The following CFAP44 variants were observed in gnomAD, a reference collection of about 807,000 sequenced individuals.
The protein encoded by CFAP44 is cilia and flagella associated protein 44.
CFAP44 carries 134 observed loss-of-function variants against 216.2 expected under a neutral mutation model. The observed-to-expected ratio is 0.62, with a 90% CI of 0.54 to 0.72. The LOEUF is 0.72. Ranked by LOEUF, CFAP44 falls within the 30% of genes least tolerant of loss-of-function variation. The pLI is 0.00. For missense variants in CFAP44, 2,035 were observed against 2,182.1 expected (o/e 0.93, Z 1.34); for synonymous variants, 700 against 727.6 (o/e 0.96, Z 0.61).
Position 113,330,346 on chromosome 3 carries a change from T to C in CFAP44, c.3938A>G (p.Lys1313Arg), listed in dbSNP as rs1459886224. 5 of 1,537,200 alleles carry C rather than the reference T, an allele frequency of 3.3e-6. No individual in the cohort carries two copies. Among genetic ancestry groups the C allele is most frequent in the Non-Finnish European group, 3.5e-6 (4 of 1,146,912 alleles). ...ATCACGGGTTGTCAAATCCCCATCC[T>C]TTCTAGAAGAGAGTTTGAGGAATCC... is the stretch of plus-strand genomic sequence containing the variant. Reference protein sequence around the residue: ...VGGFLKLSSRKDGDLTTRDSI... With the variant: ...VGGFLKLSSRRDGDLTTRDSI... Residue 1313 changes from lysine to arginine, a missense_variant, in exon 26 of 35, where the codon AAG becomes AGG. Lys to Arg is a conservative substitution (Grantham distance 26, BLOSUM62 2). Transcript: ENST00000393845.
At chr3:113,397,331 A>G (rs937212075) in intron 13 of CFAP44, 1 of 152,484 alleles carries the variant, frequency 6.6e-6, no homozygotes, top group Non-Finnish European at 1.5e-5. Flanking sequence ...GTCTGACTAG[A>G]GTAAGAGAAC....
At chr3:113,428,298 T>C (rs1935015766) in intron 2 of CFAP44, among the ~76,000 whole-genome samples, 1 of 152,200 alleles carries the variant, frequency 6.6e-6, no homozygotes, top group Non-Finnish European at 1.5e-5. Context: ...TTAGAACTGG[T>C]AGATAAGGTG....
At chr3:113,302,618 G>A (rs532559083) in intron 32 of CFAP44, among the ~76,000 whole-genome samples, 24 of 150,864 alleles carry the variant, frequency 1.6e-4, no homozygotes, top group Non-Finnish European at 2.4e-4. Context: ...AAAATGAGCC[G>A]GGCGTGGTGG....
chr3:113,362,709 A>G, intron 21 of CFAP44: 1 of 321,634 alleles, frequency 3.1e-6, no homozygotes, highest in Non-Finnish European at 5.9e-6. Flanking sequence ...GTCTTCCGAT[A>G]GCAATACCAG....
intron 15 of CFAP44, among the ~76,000 whole-genome samples, chr3:113,384,178 C>A (rs1242212755): frequency 6.6e-6 from 1 of 152,096 alleles, no homozygotes; most frequent in East Asian, 1.9e-4. Flanking sequence ...CCTGCCTCAG[C>A]CTCCCAAGTA....
intron 22 of CFAP44, among the ~76,000 whole-genome samples, chr3:113,346,859 G>A (rs572637148): frequency 1.3e-5 from 2 of 152,340 alleles, no homozygotes. Flanking sequence ...TGCTGTGGAA[G>A]CTTTGTTTTT....
chr3:113,417,608 G>A (rs1348742789), intron 5 of CFAP44, among the ~76,000 whole-genome samples: 2 of 152,172 alleles, frequency 1.3e-5, no homozygotes, highest in African/African-American at 4.8e-5. Flanking sequence ...GATATAGATT[G>A]CTAATCCTGG....
At chr3:113,340,863 A>C (rs1950326449) in intron 24 of CFAP44, among the ~76,000 whole-genome samples, 1 of 152,184 alleles carries the variant, frequency 6.6e-6, no homozygotes, top group Non-Finnish European at 1.5e-5. Flanking sequence ...TTGGAGAATG[A>C]GTACAAATTT....
At chr3:113,321,824 T>G (rs763158107) in intron 28 of CFAP44, among the ~76,000 whole-genome samples, 2 of 152,122 alleles carry the variant, frequency 1.3e-5, no homozygotes, top group Non-Finnish European at 2.9e-5. Flanking sequence ...GTGAAAGATC[T>G]CTACAAGGAG....
At chr3:113,332,915 T>C (rs1359597118) in intron 25 of CFAP44, among the ~76,000 whole-genome samples, 1 of 152,168 alleles carries the variant, frequency 6.6e-6, no homozygotes. Flanking sequence ...GTCCACAAAA[T>C]ATAAGCTTAC....
At chr3:113,416,231 C>T (rs1024803009) in intron 6 of CFAP44, among the ~76,000 whole-genome samples, 1 of 151,278 alleles carries the variant, frequency 6.6e-6, no homozygotes. Context: ...TTCCTCCATT[C>T]CTTTGTTTTG....
In CFAP44 at chr3:113,399,954, C is replaced by T. The variant is rs562639191; in HGVS notation, c.1521G>A (p.Gln507=). The T allele has an allele frequency of 2.5e-6, 4 of 1,603,338 alleles. No individual in the cohort carries two copies. The highest frequency in any genetic ancestry group is 3.4e-6 in the Non-Finnish European group (4 of 1,175,544). Residue 507 remains glutamine, a synonymous_variant, in exon 13 of 35, where the codon CAG becomes CAA. Transcript: ENST00000393845. ...YDFASKTPLA[Q]MKFKQGGTAL... ...CAGTACCTCCTTGTTTGAATTTCAT[C>T]TGGGCCAAAGGAGTTTTGCTAGCAA...
chr3:113,385,964 C>T lies in CFAP44; in HGVS notation c.1891-4904G>A, dbSNP rs566672543. Among the ~76,000 whole-genome samples the T allele has an allele frequency of 2.0e-4, 30 of 151,674 alleles. No individual in the cohort carries two copies. The South Asian group carries it at 5.9e-3, about 30-fold the overall frequency. On this transcript the variant is annotated intron_variant, in intron 15 of 34. Transcript: ENST00000393845. ...CTGCCTCTGTTTCTTTATTGATTTT[C>T]GATCTATATGTTTTATCCATTATTA... is the stretch of plus-strand genomic sequence containing the variant.
At chr3:113,342,082 C>G (rs1375134348) in intron 23 of CFAP44, among the ~76,000 whole-genome samples, 164 bp from the exon 24 acceptor site, 1 of 152,164 alleles carries the variant, frequency 6.6e-6, no homozygotes, top group Non-Finnish European at 1.5e-5. Context: ...CCTGTAATCC[C>G]AGCACTTTGG....
At position 113,287,002 on chromosome 3, in the gene CFAP44, T is replaced by C. The variant is rs2107777859; in HGVS notation, c.*4555A>G. ...ATTTATGCACTTGTAAATAAATGTA[T>C]ATGTTTTATAATTCTGGAGAGACAT... On this transcript the variant is annotated 3_prime_UTR_variant, in exon 35 of 35. Transcript: ENST00000393845. 1.0e-6 allele frequency: 1 copy of C among 954,396 alleles called. No individual in the cohort carries two copies. The highest frequency in any genetic ancestry group is 1.6e-6 in the Non-Finnish European group (1 of 627,264). The allele number at this position is 954,396 out of a possible 1,614,324, so 59.1% of individuals were successfully genotyped here.
In CFAP44 at chr3:113,409,232, G is replaced by C; in HGVS notation, c.764C>G (p.Thr255Ser). The C allele has an allele frequency of 6.2e-7, 1 of 1,614,106 alleles. No individual in the cohort carries two copies. Among genetic ancestry groups the C allele is most frequent in the Non-Finnish European group, 8.5e-7 (1 of 1,180,024 alleles). The change falls in exon 7 of 35, where the codon ACT becomes AGT. Residue 255 changes from threonine (T) to serine (S), a missense_variant. Thr to Ser is a moderately conservative substitution (Grantham distance 58). Transcript: ENST00000393845. The part of the protein sequence containing the change: ...SVGSNPDYTL[T>S]IWNWKEEQPI... Reference sequence around the variant, plus strand: ...TTGTTCTTCTTTCCAGTTCCAGATAGTCAGTGTGTAGTCAGGGTTACTACC... The same window carrying C: ...TTGTTCTTCTTTCCAGTTCCAGATACTCAGTGTGTAGTCAGGGTTACTACC...
At chr3:113,379,690 A>T (rs746968115) in intron 16 of CFAP44, 139 bp from the exon 17 acceptor site, 3 of 616,952 alleles carry the variant, frequency 4.9e-6, no homozygotes, top group Non-Finnish European at 7.3e-6. Context: ...CACCAATGCG[A>T]GAATATATTT....
intron 15 of CFAP44, among the ~76,000 whole-genome samples, chr3:113,383,338 G>A (rs6763234): frequency 0.048 from 7,284 of 152,170 alleles, 301 homozygotes; most frequent in African/African-American, 0.11. Context: ...CTGCTGCATC[G>A]ATGGTGGTCT....
rs1421627843 is a variant in CFAP44, at chr3:113,380,999, G to T, written c.1952C>A (p.Thr651Asn). 1 of 1,598,288 alleles carries T rather than the reference G, an allele frequency of 6.3e-7. No individual in the cohort carries two copies. The highest frequency in any genetic ancestry group is 1.3e-5 in the African/African-American group (1 of 74,402). ...NGYILEAPLP[T>N]IKQEEDDHDV... is the part of the protein sequence containing the mutation. ...ATGATCATCCTCTTCTTGCTTTATG[G>T]TTGGAAGTGGAGCTTCAAGAATATA... is the stretch of plus-strand genomic sequence containing the variant. Residue 651 changes from threonine (T) to asparagine (N), a missense_variant, in exon 16 of 35, where the codon ACC becomes AAC. Transcript: ENST00000393845.
Sources: allele counts gnomAD v4.1 joint callset (sites outside exome capture counted in the v4.1 genomes callset), GRCh38; gene constraint gnomAD v4.1.1; transcripts MANE v1.5; gene names NCBI Gene and HGNC (gene_info 2026-07-23, HGNC 2026-07-21).